ZFP14: variants seen among roughly 807,000 people sequenced by gnomAD.
ZFP14 encodes ZFP14 zinc finger protein.
ZFP14 carries 22 observed loss-of-function variants against 54.5 expected under a neutral mutation model. That is an observed-to-expected ratio of 0.40 (90% confidence interval 0.29 to 0.58). The LOEUF (loss-of-function observed/expected upper bound fraction) is 0.58, where lower values mean the gene tolerates loss of function less well. ZFP14 is among the 20% of genes least tolerant of loss of function. The probability of loss-of-function intolerance (pLI) is 0.39; values close to 1 mark genes in which losing one functional copy is unlikely to be tolerated. For synonymous variants in ZFP14, 159 were observed against 204.0 expected (o/e 0.78, Z 1.88); for missense variants, 470 against 637.8 (o/e 0.74, Z 2.83).
intron 4 of ZFP14, among the ~76,000 whole-genome samples, chr19:36,347,385 G>A (rs189579104): frequency 1.3e-5 from 2 of 151,884 alleles, no homozygotes; most frequent in African/African-American, 4.8e-5. Flanking sequence ...CGAGGAGGGT[G>A]GATTGCTTGA....
rs1204004175 is a variant in ZFP14 at position 36,340,313 on chromosome 19, C to A, written c.1513G>T (p.Glu505Ter). The A allele has an allele frequency of 6.2e-7, 1 of 1,613,988 alleles. No homozygotes were observed. The highest frequency in any genetic ancestry group is 8.5e-7 in the Non-Finnish European group (1 of 1,180,020). ...LTQHQRIHTG[E>*]KPYKCKECKK... Reference sequence around the variant, plus strand: ...CACTCCTTACACTTGTAGGGCTTCTCACCAGTATGAATTCTCTGGTGTTGA... The same window carrying A: ...CACTCCTTACACTTGTAGGGCTTCTAACCAGTATGAATTCTCTGGTGTTGA... Residue 505 changes from glutamate (E) to a stop codon, truncating the protein, a stop_gained, in exon 5 of 5, where the codon GAG (glutamate) becomes TAG (stop). Coordinates refer to ENST00000270001, the MANE Select transcript of ZFP14 (RefSeq NM_020917.3). LOFTEE classifies it high-confidence loss of function. This position sits in a 1 kb window ranked among gnomAD's most constrained non-coding sequence, Gnocchi z 5.4.
chr19:36,379,080 A>G (rs1324539859), intron 1 of ZFP14, 83 bp downstream of exon 1: 4 of 152,494 alleles, frequency 2.6e-5, no homozygotes, highest in Admixed American at 6.5e-5. Context: ...CTCCACAGCT[A>G]CTGCCTCCTG....
chr19:36,353,782 A>G (rs36000557), intron 4 of ZFP14, among the ~76,000 whole-genome samples: 8,627 of 140,332 alleles, frequency 0.061, 1,365 homozygotes, highest in Non-Finnish European at 0.08. Context: ...AATAAAAAAA[A>G]GTCAGATGCA....
chr19:36,364,214 C>G (rs539089843), intron 2 of ZFP14, among the ~76,000 whole-genome samples: 66 of 152,252 alleles, frequency 4.3e-4, no homozygotes, highest in Non-Finnish European at 8.7e-4. Context: ...TCAAATAGCC[C>G]ACACTGGACA....
chr19:36,361,243 G>A (rs533417978), intron 3 of ZFP14, among the ~76,000 whole-genome samples: 1 of 152,148 alleles, frequency 6.6e-6, no homozygotes, highest in South Asian at 2.1e-4. Flanking sequence ...ATGTGTTTCA[G>A]GGTTTTTTCT....
At chr19:36,368,154 AAAGTATAGGGAGTCTAAAGAGAAAC>A (rs1372395987) in intron 1 of ZFP14, among the ~76,000 whole-genome samples, 183 bp from the exon 2 acceptor site, 31 of 152,182 alleles carry the variant, frequency 2.0e-4, no homozygotes, top group African/African-American at 7.5e-4. Context: ...TAACTGGGGA[AAAGTATAGGGAGTCTAAAGAGAAAC>A]AAGCTCTGGC....
chr19:36,370,192 G>A (rs1387454388), intron 1 of ZFP14, among the ~76,000 whole-genome samples: 1 of 152,186 alleles, frequency 6.6e-6, no homozygotes, highest in Non-Finnish European at 1.5e-5. Flanking sequence ...ATTGAAGAGT[G>A]CAGGAAGGAC....
chr19:36,346,877 G>C (rs991061944), intron 4 of ZFP14, among the ~76,000 whole-genome samples: 3 of 152,226 alleles, frequency 2.0e-5, no homozygotes, highest in East Asian at 1.9e-4. Context: ...TAACGTCTCT[G>C]TCTGGATCAA....
intron 3 of ZFP14, among the ~76,000 whole-genome samples, 186 bp downstream of exon 3, chr19:36,361,926 A>G (rs2031717222): frequency 6.6e-6 from 1 of 152,232 alleles, no homozygotes; most frequent in African/African-American, 2.4e-5. Context: ...CAGGAATTAC[A>G]GAGTCTGAAG....
Position 36,349,236 on chromosome 19 carries a change from AAAAAAAC to A in ZFP14, c.236-7653_236-7647del, listed in dbSNP as rs1202010303. ...ATAAGAGGGGAACTCTGTCTCAAAA[AAAAAAAC>A]AAAAAAAAAAAAACAAAAAAAAAAA... On this transcript the variant is annotated intron_variant, in intron 4 of 4. Coordinates refer to ENST00000270001, the MANE Select transcript of ZFP14 (RefSeq NM_020917.3). 3.1e-4 allele frequency among the ~76,000 whole-genome samples: 14 copies of A among 44,862 alleles called. 1 individual carries two copies. In the East Asian group the frequency reaches 3.6e-3, roughly 12 times the overall value. 29.4% of individuals were successfully genotyped at this position (44,862 alleles called of 152,430 possible).
In ZFP14 at chr19:36,341,479, C is replaced by T; in HGVS notation, c.347G>A (p.Gly116Asp). The change falls in exon 5 of 5, where the codon GGT becomes GAT. Residue 116 changes from glycine to aspartate, a missense_variant. By Grantham distance (94) the Gly-to-Asp change is moderately conservative. Transcript: ENST00000270001. The surrounding 1 kb of genome is among the most constrained non-coding windows in gnomAD (Gnocchi z 4.2). ...TTCCCAATCATTCCTAAAAATGGAA[C>T]CCTGAAGGCTATAGCTTTTAATTCT... ...MERIKSYSLQ[G>D]SIFRNDWECK... is the part of the protein sequence containing the mutation. 3 of 1,614,084 alleles carry T rather than the reference C, an allele frequency of 1.9e-6. No individual in the cohort carries two copies. Among genetic ancestry groups the T allele is most frequent in the Non-Finnish European group, 2.5e-6 (3 of 1,180,030 alleles).
chr19:36,370,565 A>T (rs1568474396), intron 1 of ZFP14, among the ~76,000 whole-genome samples: 1 of 152,260 alleles, frequency 6.6e-6, no homozygotes, highest in Non-Finnish European at 1.5e-5. Flanking sequence ...AATCAGGCAC[A>T]TAACAGTATG....
At chr19:36,374,308 T>A (rs2031925918) in intron 1 of ZFP14, among the ~76,000 whole-genome samples, 2 of 151,980 alleles carry the variant, frequency 1.3e-5, no homozygotes, top group South Asian at 4.2e-4. Flanking sequence ...CTGGCCAACA[T>A]GGTGAAACCC....
At chr19:36,352,717 G>A (rs1418876950) in intron 4 of ZFP14, among the ~76,000 whole-genome samples, 1 of 141,860 alleles carries the variant, frequency 7.0e-6, no homozygotes, top group Admixed American at 7.3e-5. Context: ...CGAGGCGGGC[G>A]GATCACAAGG....
intron 2 of ZFP14, among the ~76,000 whole-genome samples, chr19:36,363,098 T>C (rs1424665959): frequency 6.6e-6 from 1 of 152,084 alleles, no homozygotes; most frequent in Non-Finnish European, 1.5e-5. Context: ...TTGAACATTG[T>C]TTTTTTGTTC....
rs1374455457 is a variant in ZFP14, at chr19:36,340,299, C to T, written c.1527G>A (p.Lys509=). 2 of 1,613,794 alleles carry T rather than the reference C, an allele frequency of 1.2e-6. No homozygotes were observed. Among genetic ancestry groups the T allele is most frequent in the African/African-American group, 1.3e-5 (1 of 74,874 alleles). Residue 509 remains lysine, a synonymous_variant, in exon 5 of 5, where the codon AAG becomes AAA. Transcript: ENST00000270001. The surrounding 1 kb of genome is among the most constrained non-coding windows in gnomAD (Gnocchi z 5.4). ...QRIHTGEKPY[K]CKECKKAFRQ... ...TAAAGGCCTTCTTACACTCCTTACACTTGTAGGGCTTCTCACCAGTATGAA... is the reference window on the plus strand; with the variant it reads ...TAAAGGCCTTCTTACACTCCTTACATTTGTAGGGCTTCTCACCAGTATGAA...
intron 1 of ZFP14, among the ~76,000 whole-genome samples, chr19:36,372,717 GA>G (rs1379614169): frequency 6.6e-6 from 1 of 152,154 alleles, no homozygotes; most frequent in African/African-American, 2.4e-5. Flanking sequence ...CAAAGGAAAT[GA>G]AATCAGAATG....
chr19:36,352,300 A>T (rs2031541058), intron 4 of ZFP14, among the ~76,000 whole-genome samples: 1 of 143,714 alleles, frequency 7.0e-6, no homozygotes, highest in Non-Finnish European at 1.5e-5. Flanking sequence ...GGCAACCACA[A>T]GAAGAAAAAT....
At chr19:36,373,842 G>A (rs1400919158) in intron 1 of ZFP14, among the ~76,000 whole-genome samples, 4 of 142,514 alleles carry the variant, frequency 2.8e-5, no homozygotes, top group Non-Finnish European at 3.0e-5. Context: ...AGCCTGGGAA[G>A]CAGAGGTTGC....
Sources: gnomAD v4.1 joint callset for allele counts (sites outside exome capture counted in the v4.1 genomes callset) on GRCh38, gnomAD v4.1.1 for gene constraint, Gnocchi (gnomAD v3.1) non-coding constraint, MANE v1.5 for transcripts, NCBI Gene and HGNC (gene_info 2026-07-23, HGNC 2026-07-21) for gene names.